The following MMP28 variants were observed in gnomAD, a reference collection of about 807,000 sequenced individuals.
MMP28 encodes the protein matrix metalloproteinase-28.
Under a neutral mutation model 60.5 loss-of-function variants are expected in MMP28, and 55 were observed. The observed-to-expected ratio is 0.91, with a 90% CI of 0.73 to 1.14. The LOEUF is 1.14. Among genes scored for constraint, MMP28 ranks in the 50% most tolerant of loss-of-function variants. MMP28 has a pLI of 0.00. For missense variants in MMP28, 686 were observed against 738.3 expected, an observed-to-expected ratio of 0.93 and a Z score of 0.82; for synonymous variants, 318 against 312.5, an observed-to-expected ratio of 1.02 and a Z score of -0.18.
Position 35,773,322 on chromosome 17 carries a change from G to A in MMP28, c.462C>T (p.Ala154=), listed in dbSNP as rs118098940. 0.038 allele frequency: 61,963 copies of A among 1,613,046 alleles called. 1,426 individuals carry two copies. Among genetic ancestry groups the A allele is most frequent in the Admixed American group, 0.065 (3,878 of 59,840 alleles). ...EHLPEPAVRG[A]VRAAFQLWSN... Reference sequence around the variant, plus strand: ...TCCACAACTGGAAGGCGGCGCGCACGGCGCCCCGAACTGCCGGCTCCGGCA... The same window carrying A: ...TCCACAACTGGAAGGCGGCGCGCACAGCGCCCCGAACTGCCGGCTCCGGCA... Residue 154 remains alanine, a synonymous_variant, in exon 4 of 8, where the codon GCC becomes GCT. Transcript: ENST00000605424.
At chr17:35,760,018 T>C (rs2085788801) in intron 2 of MMP28, among the ~76,000 whole-genome samples, 1 of 152,176 alleles carries the variant, frequency 6.6e-6, no homozygotes, top group African/African-American at 2.4e-5. Flanking sequence ...GACTACGAGA[T>C]TCCTGGGGGC....
exon 3 of MMP28, chr17:35,756,393 C>T: frequency 1.0e-6 from 1 of 985,300 alleles, no homozygotes; most frequent in Non-Finnish European, 1.2e-6. Context: ...ATAGTCAATG[C>T]CGATCTCCCA....
In MMP28 at chr17:35,766,968, C is replaced by G; in HGVS notation, c.1169-74G>C. 2 of 1,357,980 alleles carry G rather than the reference C, an allele frequency of 1.5e-6. No individual in the cohort carries two copies. The highest frequency in any genetic ancestry group is 2.0e-6 in the Non-Finnish European group (2 of 981,960). 84.1% of individuals were successfully genotyped at this position (1,357,980 alleles called of 1,614,324 possible). A position where few individuals can be genotyped will look rare whatever the true frequency, so the allele number is the denominator to read the frequency against. ...GGCCCTCTACCCCACTTCTGTCCCCCATACCTCTGCTCTCCTTTAAGCTGG... is the reference window on the plus strand; with the variant it reads ...GGCCCTCTACCCCACTTCTGTCCCCGATACCTCTGCTCTCCTTTAAGCTGG... On this transcript the variant is annotated intron_variant, in intron 7 of 7. Coordinates refer to ENST00000605424, the MANE Select transcript of MMP28 (RefSeq NM_024302.5). The surrounding 1 kb of genome is among the most constrained non-coding windows in gnomAD (Gnocchi z 4.3).
chr17:35,770,334 A>AG (rs762372135), intron 4 of MMP28, 22 bp from the exon 5 acceptor site: 3 of 1,478,744 alleles, frequency 2.0e-6, no homozygotes, highest in East Asian at 2.5e-5. Flanking sequence ...GCAGAAGGTC[A>AG]GGGGGTGCCA....
At chr17:35,775,797 C>T (rs957438622) in intron 3 of MMP28, among the ~76,000 whole-genome samples, 6 of 152,222 alleles carry the variant, frequency 3.9e-5, no homozygotes, top group South Asian at 2.1e-4. Flanking sequence ...CCCCAACCTC[C>T]GCCAGCTTAG....
rs375047060 is a variant in MMP28, at chr17:35,766,565, G to A, written c.1498C>T (p.Arg500Cys). 9.6e-5 allele frequency: 154 copies of A among 1,611,018 alleles called. No homozygotes were observed. Among genetic ancestry groups the A allele is most frequent in the Non-Finnish European group, 1.2e-4 (147 of 1,179,378 alleles). The change falls in exon 8 of 8, where the codon CGC (arginine) becomes TGC (cysteine). Residue 500 changes from arginine (R) to cysteine (C), a missense_variant. By Grantham distance (180) the Arg-to-Cys change is radical. Coordinates refer to ENST00000605424, the MANE Select transcript of MMP28 (RefSeq NM_024302.5). The surrounding 1 kb of genome is among the most constrained non-coding windows in gnomAD (Gnocchi z 4.3). ...ATCCAGGGCAGCTCGGTGGCCCAGCGGCCCGAGGTGGTTGCCTGCAGTTTG... is the reference window on the plus strand; with the variant it reads ...ATCCAGGGCAGCTCGGTGGCCCAGCAGCCCGAGGTGGTTGCCTGCAGTTTG... ...QAKLQATTSG[R>C]WATELPWMGC...
intron 1 of MMP28, among the ~76,000 whole-genome samples, chr17:35,781,627 A>G (rs1321266306): frequency 1.3e-5 from 2 of 152,184 alleles, no homozygotes; most frequent in Non-Finnish European, 2.9e-5. Context: ...TGGGCAGACG[A>G]TGCACTTGGC....
intron 4 of MMP28, among the ~76,000 whole-genome samples, chr17:35,771,745 AT>A (rs2086159987): frequency 5.9e-5 from 5 of 84,842 alleles, no homozygotes; most frequent in East Asian, 8.7e-4. Flanking sequence ...ATATATATAT[AT>A]ATATATATAA....
Position 35,795,640 on chromosome 17 carries a change from A to T in MMP28, c.-263T>A. The T allele has an allele frequency of 3.0e-6, 1 of 330,476 alleles. No individual in the cohort carries two copies. Among genetic ancestry groups the T allele is most frequent in the Non-Finnish European group, 5.5e-6 (1 of 182,490 alleles). 20.5% of individuals were successfully genotyped at this position (330,476 alleles called of 1,614,324 possible). ...GCCGGCCCCGGGGACCGAGGGAGGG[A>T]GGAAGGAAAGGCAGGCGGAGGGGGC... On this transcript the variant is annotated 5_prime_UTR_variant, in exon 1 of 8. Transcript: ENST00000605424.
downstream of MMP28, among the ~76,000 whole-genome samples, chr17:35,762,317 C>A (rs1334280115): frequency 6.6e-6 from 1 of 152,152 alleles, no homozygotes; most frequent in Admixed American, 6.5e-5. Flanking sequence ...TTTTCCATAG[C>A]AAACTCCACG....
intron 1 of MMP28, among the ~76,000 whole-genome samples, chr17:35,781,253 G>A (rs2086492738): frequency 6.6e-6 from 1 of 152,200 alleles, no homozygotes; most frequent in Non-Finnish European, 1.5e-5. Context: ...AGAAATCCAG[G>A]ATGCTCCTAA....
chr17:35,792,508 G>A (rs1031390735), intron 1 of MMP28, among the ~76,000 whole-genome samples: 2 of 152,212 alleles, frequency 1.3e-5, no homozygotes, highest in African/African-American at 2.4e-5. Flanking sequence ...AAGCTGCACT[G>A]ATGTGCCCTA....
intron 6 of MMP28, 98 bp from the exon 7 acceptor site, chr17:35,768,017 A>G: frequency 3.5e-6 from 5 of 1,411,306 alleles, no homozygotes; most frequent in Non-Finnish European, 4.8e-6. Flanking sequence ...CAAATGGACA[A>G]GCATAGGGTA....
chr17:35,766,569 C>A lies in MMP28; in HGVS notation c.1494G>T (p.Ser498=), dbSNP rs780620658. Residue 498 remains serine, a synonymous_variant, in exon 8 of 8, where the codon TCG becomes TCT. Transcript: ENST00000605424. This position sits in a 1 kb window ranked among gnomAD's most constrained non-coding sequence, Gnocchi z 4.3. The part of the protein sequence containing the change: ...LDQAKLQATT[S]GRWATELPWM... Reference sequence around the variant, plus strand: ...AGGGCAGCTCGGTGGCCCAGCGGCCCGAGGTGGTTGCCTGCAGTTTGGCCT... The same window carrying A: ...AGGGCAGCTCGGTGGCCCAGCGGCCAGAGGTGGTTGCCTGCAGTTTGGCCT... 2 of 1,611,550 alleles carry A rather than the reference C, an allele frequency of 1.2e-6. No individual in the cohort carries two copies. Among genetic ancestry groups the A allele is most frequent in the South Asian group, 1.1e-5 (1 of 90,896 alleles).
intron 2 of MMP28, among the ~76,000 whole-genome samples, chr17:35,756,600 A>G (rs782347968): frequency 6.6e-6 from 1 of 151,270 alleles, no homozygotes; most frequent in Non-Finnish European, 1.5e-5. Flanking sequence ...CTTCCCGAGT[A>G]GCTGAGATTA....
chr17:35,766,197 CTT>C lies in MMP28; in HGVS notation c.*301_*302del. 5 of 1,171,344 alleles carry C rather than the reference CTT, an allele frequency of 4.3e-6. No homozygotes were observed. The highest frequency in any genetic ancestry group is 5.3e-6 in the Non-Finnish European group (5 of 947,004). 72.6% of individuals were successfully genotyped at this position (1,171,344 alleles called of 1,614,324 possible). On this transcript the variant is annotated 3_prime_UTR_variant, in exon 8 of 8. Transcript: ENST00000605424. The surrounding 1 kb of genome is among the most constrained non-coding windows in gnomAD (Gnocchi z 4.3). ...TGTTACCTCTTGAAAGGAACTGTAC[CTT>C]TAGCCGAAGAAACAAAGGCCTGGGG...
rs1555608299 is a variant in MMP28, at chr17:35,778,922, G to C, written c.345C>G (p.Thr115=). 4.3e-6 allele frequency: 7 copies of C among 1,614,040 alleles called. No homozygotes were observed. The highest frequency in any genetic ancestry group is 5.9e-6 in the Non-Finnish European group (7 of 1,179,894). The change falls in exon 3 of 8, where the codon ACC becomes ACG. Residue 115 remains threonine, a synonymous_variant. Transcript: ENST00000605424. ...CAAAGCGTTTCTTACGCCTCATTTT[G>C]GTCCGGTGTCTAGCAAACAAGTCAC... ...RISDLFARHR[T]KMRRKKRFAK...
intron 3 of MMP28, among the ~76,000 whole-genome samples, chr17:35,777,484 C>G (rs942289305): frequency 6.6e-6 from 1 of 152,178 alleles, no homozygotes; most frequent in Non-Finnish European, 1.5e-5. Context: ...AAACAGCCAC[C>G]CTCCAACAGT....
At chr17:35,776,504 A>C (rs2086335479) in intron 3 of MMP28, among the ~76,000 whole-genome samples, 1 of 152,164 alleles carries the variant, frequency 6.6e-6, no homozygotes, top group African/African-American at 2.4e-5. Context: ...TTTAACTTTA[A>C]AAAACTATCT....
Sources: gnomAD v4.1 joint callset for allele counts (sites outside exome capture counted in the v4.1 genomes callset) on GRCh38, gnomAD v4.1.1 for gene constraint, Gnocchi (gnomAD v3.1) non-coding constraint, MANE v1.5 for transcripts, NCBI Gene and HGNC (gene_info 2026-07-23, HGNC 2026-07-21) for gene names.